GRM5: variants seen among roughly 807,000 people sequenced by gnomAD.
The protein encoded by GRM5 is metabotropic glutamate receptor 5.
A neutral mutation model predicts 83.1 loss-of-function variants in GRM5; 19 were observed. The ratio of observed to expected loss-of-function variants is 0.23; its 90% CI spans 0.16 to 0.34. GRM5 has a LOEUF of 0.34. Ranked by LOEUF, GRM5 falls within the 10% of genes least tolerant of loss-of-function variation. The pLI is 1.00. For missense variants in GRM5, 1,160 were observed against 1,588.3 expected, an observed-to-expected ratio of 0.73 and a Z score of 4.58; for synonymous variants, 675 against 633.6, an observed-to-expected ratio of 1.07 and a Z score of -0.98.
intron 1 of GRM5, among the ~76,000 whole-genome samples, chr11:89,052,473 TA>T (rs1565353103): frequency 6.6e-6 from 1 of 152,180 alleles, no homozygotes. Flanking sequence ...GCAAGACTTA[TA>T]TATTTCAGAG....
chr11:88,754,412 C>T (rs1942352762), intron 3 of GRM5, among the ~76,000 whole-genome samples: 2 of 152,044 alleles, frequency 1.3e-5, no homozygotes, highest in South Asian at 4.2e-4. Flanking sequence ...CCATCCTGCT[C>T]CTGTACTCCT....
intron 2 of GRM5, among the ~76,000 whole-genome samples, chr11:88,963,464 G>A: frequency 6.6e-6 from 1 of 152,188 alleles, no homozygotes. Context: ...TCTGTGTTAT[G>A]TTTCAAAAGG....
At chr11:88,744,691 A>T (rs1942097059) in intron 3 of GRM5, among the ~76,000 whole-genome samples, 1 of 152,168 alleles carries the variant, frequency 6.6e-6, no homozygotes, top group Non-Finnish European at 1.5e-5. Context: ...CCTAAAAAGA[A>T]AATAAAGGTG....
chr11:88,730,879 G>A (rs35607700), intron 3 of GRM5, among the ~76,000 whole-genome samples: 18,678 of 152,130 alleles, frequency 0.12, 1,518 homozygotes, highest in Middle Eastern at 0.19. Flanking sequence ...GGAGTCGGGG[G>A]CTAGGGGAGG....
chr11:88,620,919 C>G (rs939668791), intron 4 of GRM5, among the ~76,000 whole-genome samples: 1 of 152,168 alleles, frequency 6.6e-6, no homozygotes, highest in African/African-American at 2.4e-5. Flanking sequence ...AAAGAAGAGG[C>G]TTCTTCAGGG....
chr11:88,760,751 C>CA (rs71470779), intron 3 of GRM5, among the ~76,000 whole-genome samples: 32,859 of 151,888 alleles, frequency 0.22, 4,723 homozygotes, highest in Non-Finnish European at 0.32. Flanking sequence ...AGAGATACAA[C>CA]AAAAAAAGAA....
At position 88,588,820 on chromosome 11, in the gene GRM5, T is replaced by C. The variant is rs1452868616; in HGVS notation, c.1690+1781A>G. 3.3e-5 allele frequency among the ~76,000 whole-genome samples: 5 copies of C among 152,250 alleles called. No individual in the cohort carries two copies. The East Asian group carries it at 7.7e-4, about 23-fold the overall frequency. On this transcript the variant is annotated intron_variant, in intron 7 of 9. Coordinates refer to ENST00000305447, the MANE Select transcript of GRM5 (RefSeq NM_001143831.3). ...GAGCTGACTAGCCATGTGCATGTGT[T>C]GTTTTATGTCTCTTTCCCCACAAGA...
rs1225124606 is a variant in GRM5, at chr11:88,509,471, A to C, written c.2760T>G (p.Asn920Lys). The C allele has an allele frequency of 1.2e-6, 2 of 1,612,296 alleles. No homozygotes were observed. Among genetic ancestry groups the C allele is most frequent in the Non-Finnish European group, 1.7e-6 (2 of 1,179,678 alleles). ...GGTGCTGCCCCCGGCTGCTCTTCTC[A>C]TTCTGGGCCCACGTGACGGATTTTC... ...SNGKSVTWAQ[N>K]EKSSRGQHLW... Residue 920 changes from asparagine (N) to lysine (K), a missense_variant, in exon 10 of 10, where the codon AAT becomes AAG. This residue lies in a region of GRM5 where 562 missense variants were observed against 532.4 expected (regional missense o/e 1.06). Coordinates refer to ENST00000305447, the MANE Select transcript of GRM5 (RefSeq NM_001143831.3).
At chr11:88,800,645 A>G (rs1193034178) in intron 3 of GRM5, among the ~76,000 whole-genome samples, 6 of 152,112 alleles carry the variant, frequency 3.9e-5, no homozygotes. Flanking sequence ...GGCACTCCTA[A>G]TGGACTAGCC....
At chr11:88,556,594 T>C (rs964413378) in intron 8 of GRM5, among the ~76,000 whole-genome samples, 1 of 152,122 alleles carries the variant, frequency 6.6e-6, no homozygotes, top group African/African-American at 2.4e-5. Flanking sequence ...GTTCTGGGAT[T>C]ACAGGCATGA....
intron 2 of GRM5, among the ~76,000 whole-genome samples, chr11:88,872,472 G>A (rs1944786299): frequency 6.6e-6 from 1 of 151,380 alleles, no homozygotes; most frequent in Non-Finnish European, 1.5e-5. Flanking sequence ...TTATTATTAA[G>A]AGATAGGCAA....
intron 2 of GRM5, among the ~76,000 whole-genome samples, chr11:89,024,485 T>A (rs375989994): frequency 6.6e-6 from 1 of 152,228 alleles, no homozygotes; most frequent in African/African-American, 2.4e-5. Context: ...TGGCATTAAA[T>A]TCATTTTTAA....
chr11:88,701,900 C>G (rs961689), intron 3 of GRM5, among the ~76,000 whole-genome samples: 85,410 of 151,900 alleles, frequency 0.56, 26,935 homozygotes, highest in South Asian at 0.8. Context: ...GTCTGGCATA[C>G]TTAGGTAATG....
rs1214459891 is a variant in GRM5 at position 88,665,162 on chromosome 11, T to TACACACACACACACACACACACAC, written c.912-11783_912-11760dup. 3.3e-3 allele frequency among the ~76,000 whole-genome samples: 461 copies of TACACACACACACACACACACACAC among 140,980 alleles called. 4 individuals carry two copies. The highest frequency in any genetic ancestry group is 9.7e-3 in the East Asian group (47 of 4,826). 92.5% of individuals were successfully genotyped at this position (140,980 alleles called of 152,430 possible). A position where few individuals can be genotyped will look rare whatever the true frequency, so the allele number is the denominator to read the frequency against. ...GATAGAAGAGATAATTTAATTTATT[T>TACACACACACACACACACACACAC]ACACACACACACACACACACACACA... On this transcript the variant is annotated intron_variant, in intron 3 of 9. Transcript: ENST00000305447.
At chr11:88,925,012 A>T (rs1945761584) in intron 2 of GRM5, among the ~76,000 whole-genome samples, 1 of 152,082 alleles carries the variant, frequency 6.6e-6, no homozygotes, top group Non-Finnish European at 1.5e-5. Context: ...GTTTTACTTC[A>T]GCTAGGAAAA....
At chr11:88,538,014 T>C (rs760383926) in intron 8 of GRM5, among the ~76,000 whole-genome samples, 49 of 151,962 alleles carry the variant, frequency 3.2e-4, no homozygotes, top group Non-Finnish European at 6.0e-4. Context: ...TTAGTAATTC[T>C]AGGAATTTAT....
rs1385443562 is a variant in GRM5, at chr11:88,510,695, TA to T, written c.2727-1192del. Among the ~76,000 whole-genome samples the T allele has an allele frequency of 2.6e-5, 4 of 152,320 alleles. No homozygotes were observed. The East Asian group carries it at 7.7e-4, about 29-fold the overall frequency. On this transcript the variant is annotated intron_variant, in intron 9 of 9. Transcript: ENST00000305447. ...CCACGCCCAGCTAATTTTGTATTTTTAGTAGATACGGGGTTTCACCATGTTG... is the reference window on the plus strand; with the variant it reads ...CCACGCCCAGCTAATTTTGTATTTTTGTAGATACGGGGTTTCACCATGTTG...
At chr11:88,723,672 C>A (rs939885709) in intron 3 of GRM5, among the ~76,000 whole-genome samples, 2 of 151,976 alleles carry the variant, frequency 1.3e-5, no homozygotes, top group African/African-American at 4.8e-5. Context: ...AACATTCCTT[C>A]CCCTTATCAT....
At chr11:88,977,728 G>A (rs1167188380) in intron 2 of GRM5, among the ~76,000 whole-genome samples, 3 of 152,170 alleles carry the variant, frequency 2.0e-5, no homozygotes, top group African/African-American at 7.2e-5. Flanking sequence ...TTCATATTTT[G>A]TTGCCCTGGA....
Sources: allele counts gnomAD v4.1 joint callset (sites outside exome capture counted in the v4.1 genomes callset), GRCh38; gene constraint gnomAD v4.1.1; regional missense constraint gnomAD v4.1.1; transcripts MANE v1.5; gene names NCBI Gene and HGNC (gene_info 2026-07-23, HGNC 2026-07-21).